LMBRD1: variants seen among roughly 807,000 people sequenced by gnomAD.
The protein encoded by LMBRD1 is lysosomal cobalamin transport escort protein LMBD1.
A neutral mutation model predicts 74.8 loss-of-function variants in LMBRD1; 64 were observed. The ratio of observed to expected loss-of-function variants is 0.86; its 90% CI spans 0.70 to 1.05. The LOEUF is 1.05. LMBRD1 is among the 50% of genes least tolerant of loss of function. LMBRD1 has a pLI of 0.00. For missense variants in LMBRD1, 652 were observed against 645.9 expected (o/e 1.01, Z -0.10); for synonymous variants, 204 against 216.3 (o/e 0.94, Z 0.50).
intron 1 of LMBRD1, among the ~76,000 whole-genome samples, chr6:69,792,449 C>T (rs540561814): frequency 6.6e-6 from 1 of 152,322 alleles, no homozygotes. Flanking sequence ...TCATTTGGCA[C>T]AGTGCATTTA....
chr6:69,733,469 A>G (rs1489187461), intron 7 of LMBRD1, among the ~76,000 whole-genome samples: 1 of 152,188 alleles, frequency 6.6e-6, no homozygotes, highest in Non-Finnish European at 1.5e-5. Context: ...AATTTTTACT[A>G]AAATTTCGGT....
Position 69,675,628 on chromosome 6 carries a change from C to T in LMBRD1, c.*530G>A, listed in dbSNP as rs980208953. On this transcript the variant is annotated 3_prime_UTR_variant, in exon 16 of 16. Coordinates refer to ENST00000649934, the MANE Select transcript of LMBRD1 (RefSeq NM_018368.4). ...CTTGGAACGCCATGCTCTTAGAGCA[C>T]TAACTAGAGTTTGAAATCTTTTCAT... Among the ~76,000 whole-genome samples, 1 of 152,138 alleles carries T rather than the reference C, an allele frequency of 6.6e-6. No individual in the cohort carries two copies. Among genetic ancestry groups the T allele is most frequent in the Non-Finnish European group, 1.5e-5 (1 of 68,006 alleles).
intron 7 of LMBRD1, among the ~76,000 whole-genome samples, chr6:69,731,422 GGAAAATGTGTAT>G (rs951754336): frequency 1.3e-5 from 2 of 151,972 alleles, no homozygotes; most frequent in Non-Finnish European, 2.9e-5. Context: ...ACATGTACCT[GGAAAATGTGTAT>G]ACCTATTATG....
intron 1 of LMBRD1, among the ~76,000 whole-genome samples, chr6:69,794,768 A>G (rs753923662): frequency 2.0e-5 from 3 of 152,222 alleles, no homozygotes; most frequent in South Asian, 2.1e-4. Flanking sequence ...ATATTTTGAT[A>G]TTGTGTAATG....
At chr6:69,737,129 T>A (rs1191681586) in intron 7 of LMBRD1, among the ~76,000 whole-genome samples, 2 of 152,158 alleles carry the variant, frequency 1.3e-5, no homozygotes, top group Non-Finnish European at 2.9e-5. Flanking sequence ...AAGGAAGACA[T>A]CTTAAGAAAA....
At position 69,676,065 on chromosome 6, in the gene LMBRD1, A is replaced by G; in HGVS notation, c.*93T>C. On this transcript the variant is annotated 3_prime_UTR_variant, in exon 16 of 16. Coordinates refer to ENST00000649934, the MANE Select transcript of LMBRD1 (RefSeq NM_018368.4). ...TAGCCATGCTCCCATTTTTGATGAA[A>G]GCTAGTTAGCAAATCCTAATGTTAG... 4 of 965,376 alleles carry G rather than the reference A, an allele frequency of 4.1e-6. No individual in the cohort carries two copies. The highest frequency in any genetic ancestry group is 6.6e-6 in the Non-Finnish European group (4 of 608,922). The allele number at this position is 965,376 out of a possible 1,614,324, so 59.8% of individuals were successfully genotyped here.
At chr6:69,717,494 TA>T (rs967407303) in intron 8 of LMBRD1, among the ~76,000 whole-genome samples, 75 of 152,230 alleles carry the variant, frequency 4.9e-4, no homozygotes, top group African/African-American at 1.6e-3. Flanking sequence ...AAAGACTTTT[TA>T]AAAAAATGTA....
intron 7 of LMBRD1, among the ~76,000 whole-genome samples, chr6:69,730,561 G>A (rs1441514066): frequency 6.6e-6 from 1 of 152,096 alleles, no homozygotes; most frequent in East Asian, 1.9e-4. Flanking sequence ...TGACATAGTT[G>A]TCGCTACATG....
chr6:69,752,210 ATAT>A (rs777167127), intron 4 of LMBRD1, 46 bp downstream of exon 4: 62 of 1,556,396 alleles, frequency 4.0e-5, no homozygotes, highest in Non-Finnish European at 4.7e-5. Context: ...AAAGCAGGTA[ATAT>A]TATTTTTCTT....
At chr6:69,749,827 A>G (rs1449834451) in intron 4 of LMBRD1, among the ~76,000 whole-genome samples, 2 of 149,282 alleles carry the variant, frequency 1.3e-5, no homozygotes, top group Non-Finnish European at 3.0e-5. Context: ...ATGAGTATAT[A>G]TTAAATATAT....
chr6:69,736,868 T>C (rs1241320107), intron 7 of LMBRD1, among the ~76,000 whole-genome samples: 1 of 152,178 alleles, frequency 6.6e-6, no homozygotes, highest in East Asian at 1.9e-4. Flanking sequence ...AAAAGACAAC[T>C]ACTATGCTGT....
chr6:69,787,302 G>A (rs1188223763), intron 2 of LMBRD1, among the ~76,000 whole-genome samples: 3 of 152,094 alleles, frequency 2.0e-5, no homozygotes, highest in African/African-American at 7.2e-5. Flanking sequence ...AAAAACTCAT[G>A]AATTTCACTA....
intron 14 of LMBRD1, among the ~76,000 whole-genome samples, chr6:69,692,127 T>C (rs550005151): frequency 1.3e-5 from 2 of 152,344 alleles, no homozygotes; most frequent in East Asian, 3.9e-4. Flanking sequence ...TAATTTTGTC[T>C]GCTCATTTGT....
rs77497383 is a variant in LMBRD1 at position 69,765,838 on chromosome 6, T to C, written c.308-13482A>G. 8.4e-3 allele frequency among the ~76,000 whole-genome samples: 1,275 copies of C among 152,232 alleles called. 18 individuals are homozygous for C. The highest frequency in any genetic ancestry group is 0.029 in the African/African-American group (1,196 of 41,558). ...TTCAGTGTAGAAATCTTATGCTTTT[T>C]TGTTAAATGTGAAGTACTTTTTTCA... On this transcript the variant is annotated intron_variant, in intron 3 of 15. Coordinates refer to ENST00000649934, the MANE Select transcript of LMBRD1 (RefSeq NM_018368.4).
intron 9 of LMBRD1, among the ~76,000 whole-genome samples, chr6:69,708,305 T>C (rs939833662): frequency 6.6e-6 from 1 of 152,178 alleles, no homozygotes; most frequent in Non-Finnish European, 1.5e-5. Context: ...AAAACTAATC[T>C]CCCTTCATTT....
intron 7 of LMBRD1, among the ~76,000 whole-genome samples, chr6:69,736,377 T>C (rs568115581): frequency 5.9e-5 from 9 of 152,254 alleles, no homozygotes; most frequent in Admixed American, 4.6e-4. Context: ...ATACACTCTA[T>C]TATGTGCAGG....
At chr6:69,741,094 TC>T (rs1212212457) in intron 6 of LMBRD1, among the ~76,000 whole-genome samples, 1 of 152,100 alleles carries the variant, frequency 6.6e-6, no homozygotes, top group African/African-American at 2.4e-5. Flanking sequence ...AACATAAGGT[TC>T]TCTCTTACTA....
At chr6:69,707,972 T>C (rs1483504139) in intron 9 of LMBRD1, among the ~76,000 whole-genome samples, 1 of 152,208 alleles carries the variant, frequency 6.6e-6, no homozygotes, top group Admixed American at 6.5e-5. Context: ...CTGAGGCATA[T>C]ATATTTTACC....
intron 2 of LMBRD1, among the ~76,000 whole-genome samples, chr6:69,785,239 T>C (rs560818258): frequency 6.6e-6 from 1 of 152,308 alleles, no homozygotes; most frequent in African/African-American, 2.4e-5. Context: ...GATTCTCCCC[T>C]TCAGCTGACC....
Sources: allele counts gnomAD v4.1 joint callset (sites outside exome capture counted in the v4.1 genomes callset), GRCh38; gene constraint gnomAD v4.1.1; transcripts MANE v1.5; gene names NCBI Gene and HGNC (gene_info 2026-07-23, HGNC 2026-07-21).